RNF112: variants seen among roughly 807,000 people sequenced by gnomAD.
RNF112 encodes the protein ring finger protein 112, also known as brain finger protein.
A neutral mutation model predicts 64.7 loss-of-function variants in RNF112; 34 were observed. The ratio of observed to expected loss-of-function variants is 0.53; its 90% CI spans 0.40 to 0.70. The LOEUF (loss-of-function observed/expected upper bound fraction) is 0.70, where lower values mean the gene tolerates loss of function less well. Among genes scored for constraint, RNF112 ranks in the 30% least tolerant of loss-of-function variants. RNF112 has a pLI of 0.00. For missense variants in RNF112, 734 were observed against 850.0 expected, an observed-to-expected ratio of 0.86 and a Z score of 1.70; for synonymous variants, 345 against 344.5, an observed-to-expected ratio of 1.00 and a Z score of -0.02.
At position 19,416,061 on chromosome 17, in the gene RNF112, T is replaced by C. The variant is rs76138388; in HGVS notation, c.1782T>C (p.Ala594=). The C allele has an allele frequency of 0.052, 81,003 of 1,564,718 alleles. 9,485 individuals carry two copies. The highest frequency in any genetic ancestry group is 0.38 in the African/African-American group (28,327 of 73,708). The change falls in exon 14 of 14, where the codon GCT becomes GCC. Residue 594 remains alanine, a synonymous_variant. Transcript: ENST00000461366. ...CTGCCGTGGGGGCCACAGGGGCCGC[T>C]GTGGTTGGGGGTGGCGTGGGTGCTG... ...AGAAVGATGA[A]VVGGGVGAGL...
At position 19,412,853 on chromosome 17, in the gene RNF112, A is replaced by C. The variant is rs1598134346; in HGVS notation, c.381+70A>C. The C allele has an allele frequency of 6.3e-7, 1 of 1,583,764 alleles. No homozygotes were observed. Among genetic ancestry groups the C allele is most frequent in the East Asian group, 2.3e-5 (1 of 44,428 alleles). ...GGCTTTGGCCCTATTCTAGAACATC[A>C]GGACACAGAGCTCCAGGCTGAACAC... On this transcript the variant is annotated intron_variant, in intron 3 of 13. Coordinates refer to ENST00000461366, the MANE Select transcript of RNF112 (RefSeq NM_007148.5). This position sits in a 1 kb window ranked among gnomAD's most constrained non-coding sequence, Gnocchi z 5.1.
rs1005225620 is a variant in RNF112 at position 19,412,032 on chromosome 17, C to T, written c.95+362C>T. Among the ~76,000 whole-genome samples, 10 of 152,184 alleles carry T rather than the reference C, an allele frequency of 6.6e-5. No homozygotes were observed. The highest frequency in any genetic ancestry group is 5.2e-4 in the Admixed American group (8 of 15,276). ...TGGAGGGAGCCCCGCTGTAGAACGC[C>T]GGGAGAGGCTCTTCCCAAGCATTTG... On this transcript the variant is annotated intron_variant, in intron 2 of 13. Transcript: ENST00000461366. This position sits in a 1 kb window ranked among gnomAD's most constrained non-coding sequence, Gnocchi z 5.1.
chr17:19,416,315 T>A lies in RNF112; in HGVS notation c.*140T>A, dbSNP rs1199025439. 3.7e-5 allele frequency: 30 copies of A among 818,460 alleles called. No homozygotes were observed. The highest frequency in any genetic ancestry group is 5.3e-5 in the Non-Finnish European group (29 of 548,906). 50.7% of individuals were successfully genotyped at this position (818,460 alleles called of 1,614,324 possible). The stretch of plus-strand genomic sequence containing the variant: ...CCTGGTCGAATGCTCGGTGTCTGGG[T>A]GGCAGCTGAGCTGGGACTCAAGGTG... On this transcript the variant is annotated 3_prime_UTR_variant, in exon 14 of 14. Coordinates refer to ENST00000461366, the MANE Select transcript of RNF112 (RefSeq NM_007148.5).
chr17:19,413,686 TG>T lies in RNF112; in HGVS notation c.825+11del. 3 of 1,595,538 alleles carry T rather than the reference TG, an allele frequency of 1.9e-6. No individual in the cohort carries two copies. The highest frequency in any genetic ancestry group is 8.5e-7 in the Non-Finnish European group (1 of 1,169,960). On this transcript the variant is annotated splice_donor_region_variant and intron_variant, in intron 6 of 13. Transcript: ENST00000461366. The surrounding 1 kb of genome is among the most constrained non-coding windows in gnomAD (Gnocchi z 5.9). ...ACGATGCTGAGCTCCTACCAGGTGATGGGGGGCGCTGATGTTGGCATCCCCA... is the reference window on the plus strand; with the variant it reads ...ACGATGCTGAGCTCCTACCAGGTGATGGGGGCGCTGATGTTGGCATCCCCA...
Position 19,415,586 on chromosome 17 carries a change from G to A in RNF112, c.1419G>A (p.Arg473=), listed in dbSNP as rs1913854710. The part of the protein sequence containing the change: ...AAKREFEEYV[R]QQDVATKRIF... ...AGAGGGAGTTCGAGGAGTATGTGAG[G>A]CAGCAGGTGAGCCCCGGGGCTGCAC... The change falls in exon 13 of 14, where the codon AGG becomes AGA. Residue 473 remains arginine, a synonymous_variant. Coordinates refer to ENST00000461366, the MANE Select transcript of RNF112 (RefSeq NM_007148.5). The surrounding 1 kb of genome is among the most constrained non-coding windows in gnomAD (Gnocchi z 7.8). 6.2e-7 allele frequency: 1 copy of A among 1,612,436 alleles called. No homozygotes were observed. Among genetic ancestry groups the A allele is most frequent in the East Asian group, 2.2e-5 (1 of 44,834 alleles).
chr17:19,416,531 C>T lies in RNF112; in HGVS notation c.*356C>T. The T allele has an allele frequency of 4.5e-6, 1 of 220,628 alleles. No individual in the cohort carries two copies. The highest frequency in any genetic ancestry group is 1.2e-4 in the East Asian group (1 of 8,348). 13.7% of individuals were successfully genotyped at this position (220,628 alleles called of 1,614,324 possible). A position where few individuals can be genotyped will look rare whatever the true frequency, so the allele number is the denominator to read the frequency against. ...GACCCTGGATTGTAGGAAAGTTAAG[C>T]AGGCACCATCCTGGAAGTCTACCCC... On this transcript the variant is annotated 3_prime_UTR_variant, in exon 14 of 14. Transcript: ENST00000461366.
At position 19,414,817 on chromosome 17, in the gene RNF112, G is replaced by GCGAGCC; in HGVS notation, c.1059_1064dup (p.Ala354_Arg355dup). 1 of 1,613,792 alleles carries GCGAGCC rather than the reference G, an allele frequency of 6.2e-7. No homozygotes were observed. Among genetic ancestry groups the GCGAGCC allele is most frequent in the Non-Finnish European group, 8.5e-7 (1 of 1,179,858 alleles). On this transcript the variant is annotated inframe_insertion, in exon 10 of 14. Coordinates refer to ENST00000461366, the MANE Select transcript of RNF112 (RefSeq NM_007148.5). Reference sequence around the variant, plus strand: ...AGGTGCAGGAGCTGCTGCAAGGGAAGCGAGCCCGTTGCTGCCTCTTGCCTG... The same window carrying GCGAGCC: ...AGGTGCAGGAGCTGCTGCAAGGGAAGCGAGCCCGAGCCCGTTGCTGCCTCTTGCCTG...
chr17:19,416,266 A>T lies in RNF112; in HGVS notation c.*91A>T. 2 of 1,192,772 alleles carry T rather than the reference A, an allele frequency of 1.7e-6. No homozygotes were observed. Among genetic ancestry groups the T allele is most frequent in the Non-Finnish European group, 2.3e-6 (2 of 855,424 alleles). The allele number at this position is 1,192,772 out of a possible 1,614,324, so 73.9% of individuals were successfully genotyped here. ...GGGGAGGGTGATGCCAGGGATTCCA[A>T]GGCACCGCCATGTACTGCACTGCCC... On this transcript the variant is annotated 3_prime_UTR_variant, in exon 14 of 14. Coordinates refer to ENST00000461366, the MANE Select transcript of RNF112 (RefSeq NM_007148.5).
rs1410787929 is a variant in RNF112, at chr17:19,413,286, G to C, written c.595G>C (p.Gly199Arg). 6.2e-7 allele frequency: 1 copy of C among 1,610,392 alleles called. No homozygotes were observed. Among genetic ancestry groups the C allele is most frequent in the Non-Finnish European group, 8.5e-7 (1 of 1,177,700 alleles). The change falls in exon 5 of 14, where the codon GGT becomes CGT. Residue 199 changes from glycine (G) to arginine (R), a missense_variant. Physicochemically the swap from Gly to Arg is moderately radical, Grantham distance 125. Transcript: ENST00000461366. The surrounding 1 kb of genome is among the most constrained non-coding windows in gnomAD (Gnocchi z 5.9). The stretch of plus-strand genomic sequence containing the variant: ...TCCCTTCTCTCCCCTGCAGGAGTCT[G>C]GTGAGGGCGGCCGGCCAAGAGGAGG... ...LLQGLPGLES[G>R]EGGRPRGGEA...
chr17:19,414,920 G>C (rs754293077), intron 10 of RNF112, 33 bp downstream of exon 10: 3 of 1,601,482 alleles, frequency 1.9e-6, no homozygotes, highest in Non-Finnish European at 8.5e-7. Context: ...CCTCTCTTGC[G>C]CTGCTCCCAG....
chr17:19,412,760 C>G lies in RNF112; in HGVS notation c.358C>G (p.Arg120Gly). 6.2e-7 allele frequency: 1 copy of G among 1,612,770 alleles called. No individual in the cohort carries two copies. Residue 120 changes from arginine (R) to glycine (G), a missense_variant, in exon 3 of 14, where the codon CGG becomes GGG. Coordinates refer to ENST00000461366, the MANE Select transcript of RNF112 (RefSeq NM_007148.5). The surrounding 1 kb of genome is among the most constrained non-coding windows in gnomAD (Gnocchi z 5.1). ...CGAGAAGATGAAGCTCCTGCCGCAG[C>G]GGCCGCTGCCCCCTGCACTGCAGGT... ...LGEKMKLLPQ[R>G]PLPPALQETC... is the part of the protein sequence containing the mutation.
Position 19,413,826 on chromosome 17 carries a change from A to G in RNF112, c.825+145A>G, listed in dbSNP as rs1913768571. The G allele has an allele frequency of 1.5e-6, 1 of 682,916 alleles. No individual in the cohort carries two copies. The highest frequency in any genetic ancestry group is 2.7e-5 in the East Asian group (1 of 36,518). 42.3% of individuals were successfully genotyped at this position (682,916 alleles called of 1,614,324 possible). On this transcript the variant is annotated intron_variant, in intron 6 of 13. Coordinates refer to ENST00000461366, the MANE Select transcript of RNF112 (RefSeq NM_007148.5). The surrounding 1 kb of genome is among the most constrained non-coding windows in gnomAD (Gnocchi z 5.9). ...GCCTTAGAAGGGGGAAGGTGCTCCT[A>G]GTTGGTGAAGGTGGGAACGTGGGTT... is the stretch of plus-strand genomic sequence containing the variant.
At position 19,412,382 on chromosome 17, in the gene RNF112, G is replaced by C; in HGVS notation, c.96-116G>C. 4.4e-6 allele frequency: 5 copies of C among 1,126,350 alleles called. No individual in the cohort carries two copies. Among genetic ancestry groups the C allele is most frequent in the Non-Finnish European group, 6.2e-6 (5 of 803,706 alleles). 69.8% of individuals were successfully genotyped at this position (1,126,350 alleles called of 1,614,324 possible). The stretch of plus-strand genomic sequence containing the variant: ...GTCCATGGAGGCACTGATGGAAATT[G>C]GGTTGGCACAAAGGGACCTCCACTC... On this transcript the variant is annotated intron_variant, in intron 2 of 13. Transcript: ENST00000461366. This position sits in a 1 kb window ranked among gnomAD's most constrained non-coding sequence, Gnocchi z 5.1.
Position 19,411,248 on chromosome 17 carries a change from T to C in RNF112, c.-161T>C. ...CTGACTGTCACATTTCTTTTCCAGC[T>C]CTGACCGGGAGTCAGCTCCTCGGGG... is the stretch of plus-strand genomic sequence containing the variant. On this transcript the variant is annotated 5_prime_UTR_variant, in exon 1 of 14. Transcript: ENST00000461366. 1.6e-6 allele frequency: 1 copy of C among 641,182 alleles called. No individual in the cohort carries two copies. Among genetic ancestry groups the C allele is most frequent in the Middle Eastern group, 2.5e-4 (1 of 3,984 alleles). The allele number at this position is 641,182 out of a possible 1,614,324, so 39.7% of individuals were successfully genotyped here.
In RNF112 at chr17:19,411,669, T is replaced by C; in HGVS notation, c.94T>C (p.Trp32Arg). 6.3e-7 allele frequency: 1 copy of C among 1,576,474 alleles called. No individual in the cohort carries two copies. Among genetic ancestry groups the C allele is most frequent in the Non-Finnish European group, 8.6e-7 (1 of 1,161,824 alleles). Residue 32 changes from tryptophan (W) to arginine (R), a missense_variant and splice_region_variant, in exon 2 of 14, where the codon TGG (tryptophan) becomes CGG (arginine). Trp to Arg is a moderately radical substitution (Grantham distance 101). Transcript: ENST00000461366. ...QSFMGNSGNS[W>R]SHTPFPKLEL... ...CTTCATGGGAAACAGCGGCAACAGT[T>C]GGTAAGTAGCAGGGCCTTCCAGGCT...
intron 2 of RNF112, chr17:19,411,964 G>A (rs1027774101): frequency 2.0e-5 from 11 of 538,082 alleles, no homozygotes; most frequent in Non-Finnish European, 3.3e-5. Context: ...ATGGGGTTGT[G>A]GAGGGTATCA....
rs1913878659 is a variant in RNF112, at chr17:19,415,958, G to GCCTGGCAGGGGGCGT, written c.1680_1694dup (p.Leu561_Val565dup). The stretch of plus-strand genomic sequence containing the variant: ...GGTGCTGTGGGGGCCGGGCTCATGG[G>GCCTGGCAGGGGGCGT]CCTGGCAGGGGGCGTGGTGGGTGCT... On this transcript the variant is annotated inframe_insertion, in exon 14 of 14. Coordinates refer to ENST00000461366, the MANE Select transcript of RNF112 (RefSeq NM_007148.5). This position sits in a 1 kb window ranked among gnomAD's most constrained non-coding sequence, Gnocchi z 7.8. 1.9e-6 allele frequency: 3 copies of GCCTGGCAGGGGGCGT among 1,594,388 alleles called. No individual in the cohort carries two copies. The Admixed American group carries it at 5.2e-5, about 28-fold the overall frequency.
intron 10 of RNF112, 61 bp from the exon 11 acceptor site, chr17:19,414,977 C>G (rs1047735968): frequency 1.5e-4 from 244 of 1,585,104 alleles, no homozygotes; most frequent in Non-Finnish European, 2.1e-4. Flanking sequence ...CTCTCCTGGC[C>G]TCTGACACCC....
chr17:19,412,568 AC>A lies in RNF112; in HGVS notation c.168del (p.Cys57AlafsTer58). On this transcript the variant is annotated frameshift_variant, in exon 3 of 14. Transcript: ENST00000461366. LOFTEE classifies it high-confidence loss of function. This position sits in a 1 kb window ranked among gnomAD's most constrained non-coding sequence, Gnocchi z 5.1. ...PQPMAPRELPTCSICLERLRD... is the reference protein window; with the variant it reads ...PQPMAPRELPXCSICLERLRD... The stretch of plus-strand genomic sequence containing the variant: ...GCCCATGGCGCCCCGGGAGCTCCCT[AC>A]CTGCTCCATCTGCCTGGAGAGGTTG... The A allele has an allele frequency of 6.2e-7, 1 of 1,613,152 alleles. No homozygotes were observed. Among genetic ancestry groups the A allele is most frequent in the South Asian group, 1.1e-5 (1 of 91,026 alleles).
Sources: allele counts gnomAD v4.1 joint callset (sites outside exome capture counted in the v4.1 genomes callset), GRCh38; gene constraint gnomAD v4.1.1; non-coding constraint Gnocchi (gnomAD v3.1); transcripts MANE v1.5; gene names NCBI Gene and HGNC (gene_info 2026-07-23, HGNC 2026-07-21).